The following ABI1 variants were observed in gnomAD, a reference collection of about 807,000 sequenced individuals.
The protein encoded by ABI1 is Abelson interactor 1.
ABI1 carries 14 observed loss-of-function variants against 54.6 expected under a neutral mutation model. The ratio of observed to expected loss-of-function variants is 0.26; its 90% CI spans 0.17 to 0.40. The LOEUF (loss-of-function observed/expected upper bound fraction) is 0.40. ABI1 is among the 10% of genes least tolerant of loss of function. ABI1 has a pLI of 1.00. For synonymous variants in ABI1, 194 were observed against 209.3 expected, an observed-to-expected ratio of 0.93 and a Z score of 0.63; for missense variants, 443 against 598.3, an observed-to-expected ratio of 0.74 and a Z score of 2.71.
intron 8 of ABI1, among the ~76,000 whole-genome samples, chr10:26,756,896 G>A (rs1350177649): frequency 6.6e-6 from 1 of 152,082 alleles, no homozygotes. Context: ...AGTGTTCAAA[G>A]AAGTAACAAA....
At chr10:26,759,275 CTTGAGCATTGTAATCA>C in intron 7 of ABI1, 37 bp from the exon 8 acceptor site, 1 of 1,600,434 alleles carries the variant, frequency 6.2e-7, no homozygotes, top group Non-Finnish European at 8.5e-7. Flanking sequence ...AACAAAGAGA[CTTGAGCATTGTAATCA>C]CCTTAGATGG....
chr10:26,798,046 C>G (rs927827667), intron 2 of ABI1, among the ~76,000 whole-genome samples: 1 of 151,930 alleles, frequency 6.6e-6, no homozygotes, highest in Non-Finnish European at 1.5e-5. Flanking sequence ...AATTCACAGT[C>G]CAAAACTAAA....
intron 1 of ABI1, among the ~76,000 whole-genome samples, chr10:26,856,584 A>T (rs2134332668): frequency 6.6e-6 from 1 of 152,274 alleles, no homozygotes; most frequent in East Asian, 1.9e-4. Flanking sequence ...TAATGAAGCA[A>T]ATGTCACAGG....
intron 8 of ABI1, among the ~76,000 whole-genome samples, chr10:26,756,514 T>C (rs961239256): frequency 6.6e-6 from 1 of 152,156 alleles, no homozygotes; most frequent in South Asian, 2.1e-4. Context: ...ACGTAGTTCT[T>C]TGCATTAAAG....
At chr10:26,859,180 T>C (rs1347117597) in intron 1 of ABI1, among the ~76,000 whole-genome samples, 1 of 152,154 alleles carries the variant, frequency 6.6e-6, no homozygotes, top group Non-Finnish European at 1.5e-5. Flanking sequence ...CACAAAGTGA[T>C]ACAGTAGATG....
chr10:26,838,453 C>A (rs1484705096), intron 1 of ABI1, among the ~76,000 whole-genome samples: 9 of 152,098 alleles, frequency 5.9e-5, no homozygotes, highest in Non-Finnish European at 1.3e-4. Flanking sequence ...ATGAAATGAA[C>A]AGTATCTGTT....
chr10:26,787,750 A>G (rs11015286), intron 2 of ABI1, among the ~76,000 whole-genome samples: 9,354 of 152,222 alleles, frequency 0.061, 428 homozygotes, highest in East Asian at 0.19. Flanking sequence ...CTGACATTAA[A>G]AAACAATAAG....
rs1425730534 is a variant in ABI1 at position 26,860,093 on chromosome 10, C to G, written c.117+654G>C. On this transcript the variant is annotated intron_variant, in intron 1 of 10. Coordinates refer to ENST00000376140, the MANE Select transcript of ABI1 (RefSeq NM_001012750.3). The surrounding 1 kb of genome is among the most constrained non-coding windows in gnomAD (Gnocchi z 4.1). ...AAGATGAACTTCTCTCAAACGCCCT[C>G]CCTCACTCCCCACACCCGCTTCCTC... Among the ~76,000 whole-genome samples the G allele has an allele frequency of 1.3e-5, 2 of 152,198 alleles. No individual in the cohort carries two copies. The highest frequency in any genetic ancestry group is 1.5e-5 in the Non-Finnish European group (1 of 68,042).
At chr10:26,810,742 C>T (rs1389159868) in intron 2 of ABI1, among the ~76,000 whole-genome samples, 2 of 151,912 alleles carry the variant, frequency 1.3e-5, no homozygotes, top group African/African-American at 2.4e-5. Context: ...TAGATTAACT[C>T]GTCTGATGGC....
At chr10:26,808,327 T>C (rs971134965) in intron 2 of ABI1, among the ~76,000 whole-genome samples, 4 of 152,194 alleles carry the variant, frequency 2.6e-5, no homozygotes, top group South Asian at 2.1e-4. Context: ...ACTAAATCCA[T>C]AGCATTGCCC....
chr10:26,801,718 T>C (rs1334202920), intron 2 of ABI1, among the ~76,000 whole-genome samples: 1 of 152,204 alleles, frequency 6.6e-6, no homozygotes, highest in Non-Finnish European at 1.5e-5. Flanking sequence ...TTTCATTAAC[T>C]GAAGTAAAGA....
chr10:26,818,437 G>A (rs541019992), intron 2 of ABI1, among the ~76,000 whole-genome samples: 1 of 151,848 alleles, frequency 6.6e-6, no homozygotes, highest in South Asian at 2.1e-4. Context: ...TGGCCAACAT[G>A]GTGAAACCCC....
At chr10:26,857,583 G>A (rs1486718743) in intron 1 of ABI1, among the ~76,000 whole-genome samples, 1 of 149,462 alleles carries the variant, frequency 6.7e-6, no homozygotes, top group Non-Finnish European at 1.5e-5. Flanking sequence ...GGTTGAGGCT[G>A]CAGTAAGCCA....
At chr10:26,821,638 A>T (rs2047990285) in intron 2 of ABI1, among the ~76,000 whole-genome samples, 1 of 152,166 alleles carries the variant, frequency 6.6e-6, no homozygotes. Flanking sequence ...TCTCTACTAA[A>T]AATACAAAAA....
chr10:26,773,234 C>CTTTTTTTTTT (rs1554811158), intron 3 of ABI1, among the ~76,000 whole-genome samples: 1 of 44,872 alleles, frequency 2.2e-5, no homozygotes, highest in African/African-American at 2.2e-4. Context: ...TTTTTGCTGG[C>CTTTTTTTTTT]TCTGTTGCCC....
At chr10:26,775,486 A>T (rs1391099231) in intron 3 of ABI1, among the ~76,000 whole-genome samples, 2 of 151,186 alleles carry the variant, frequency 1.3e-5, no homozygotes, top group Admixed American at 6.6e-5. Flanking sequence ...AAAAAATCTA[A>T]AAAAAAAACC....
intron 7 of ABI1, among the ~76,000 whole-genome samples, chr10:26,761,188 C>T (rs961899365): frequency 6.6e-6 from 1 of 151,988 alleles, no homozygotes; most frequent in Non-Finnish European, 1.5e-5. Flanking sequence ...ATCCTCCCAC[C>T]TTGGCCTCCC....
chr10:26,788,334 A>T (rs113901564), intron 2 of ABI1, among the ~76,000 whole-genome samples: 34 of 152,240 alleles, frequency 2.2e-4, no homozygotes, highest in African/African-American at 8.2e-4. Context: ...AAAACGGACT[A>T]ACACAGCTTA....
chr10:26,768,104 TAAA>T (rs1159760897), intron 6 of ABI1, among the ~76,000 whole-genome samples: 1 of 151,968 alleles, frequency 6.6e-6, no homozygotes, highest in Non-Finnish European at 1.5e-5. Flanking sequence ...CTGATTCTCT[TAAA>T]AAAATCTCCC....
Sources: gnomAD v4.1 joint callset for allele counts (sites outside exome capture counted in the v4.1 genomes callset) on GRCh38, gnomAD v4.1.1 for gene constraint, Gnocchi (gnomAD v3.1) non-coding constraint, MANE v1.5 for transcripts, NCBI Gene and HGNC (gene_info 2026-07-23, HGNC 2026-07-21) for gene names.